The following ACTR1A variants were observed in gnomAD, a reference collection of about 807,000 sequenced individuals.
ACTR1A encodes alpha-centractin.
In ACTR1A, 10 loss-of-function variants were observed where a neutral mutation model predicts 50.7. That is an observed-to-expected ratio of 0.20 (90% CI 0.12 to 0.33). ACTR1A has a LOEUF of 0.33. Ranked by LOEUF, ACTR1A falls within the 10% of genes least tolerant of loss-of-function variation. ACTR1A has a pLI of 1.00. For synonymous variants in ACTR1A, 177 were observed against 184.2 expected (o/e 0.96, Z 0.32); for missense variants, 253 against 491.7 (o/e 0.51, Z 4.59).
At chr10:102,493,675 C>A (rs558955935) in intron 1 of ACTR1A, among the ~76,000 whole-genome samples, 22 of 152,344 alleles carry the variant, frequency 1.4e-4, no homozygotes, top group African/African-American at 5.3e-4. Flanking sequence ...GCACTTCATT[C>A]TGCTTTTTAT....
chr10:102,481,217 C>A (rs2296578), intron 9 of ACTR1A, 45 bp from the exon 10 acceptor site: 12 of 1,535,220 alleles, frequency 7.8e-6, no homozygotes, highest in Non-Finnish European at 1.1e-5. Flanking sequence ...CCAGCCCTCC[C>A]GCTCCCTTTC....
Position 102,483,000 on chromosome 10 carries a change from A to G in ACTR1A, c.750+11T>C, listed in dbSNP as rs1424212289. 6.2e-7 allele frequency: 1 copy of G among 1,609,660 alleles called. No homozygotes were observed. Among genetic ancestry groups the G allele is most frequent in the East Asian group, 2.2e-5 (1 of 44,860 alleles). ...CCTAAGGGGACCGAAGAAAGAAGGC[A>G]GGCCACCTACCTCAATGGTGCTGCC... On this transcript the variant is annotated intron_variant, in intron 7 of 10. Coordinates refer to ENST00000369905, the MANE Select transcript of ACTR1A (RefSeq NM_005736.4). The surrounding 1 kb of genome is among the most constrained non-coding windows in gnomAD (Gnocchi z 5.6).
intron 1 of ACTR1A, among the ~76,000 whole-genome samples, chr10:102,497,345 T>C (rs2062227339): frequency 6.6e-6 from 1 of 152,104 alleles, no homozygotes; most frequent in Non-Finnish European, 1.5e-5. Flanking sequence ...GAGATAACAG[T>C]AGGATGATAG....
At chr10:102,487,515 C>G (rs2062174501) in intron 4 of ACTR1A, among the ~76,000 whole-genome samples, 1 of 152,056 alleles carries the variant, frequency 6.6e-6, no homozygotes, top group Non-Finnish European at 1.5e-5. Context: ...CTATTGCACT[C>G]CAGTCTGGGT....
chr10:102,482,686 G>T lies in ACTR1A; in HGVS notation c.750+325C>A, dbSNP rs1255879397. 2 of 339,548 alleles carry T rather than the reference G, an allele frequency of 5.9e-6. No individual in the cohort carries two copies. The highest frequency in any genetic ancestry group is 7.3e-5 in the South Asian group (2 of 27,320). 21.0% of individuals were successfully genotyped at this position (339,548 alleles called of 1,614,324 possible). On this transcript the variant is annotated intron_variant, in intron 7 of 10. Coordinates refer to ENST00000369905, the MANE Select transcript of ACTR1A (RefSeq NM_005736.4). The surrounding 1 kb of genome is among the most constrained non-coding windows in gnomAD (Gnocchi z 5.6). ...TCCAGAGAGAGGGTGTAAGGCTGGG[G>T]TGTCCAGTCTTTTGGCTTCCCTGGG...
Position 102,483,054 on chromosome 10 carries a change from G to T in ACTR1A, c.707C>A (p.Thr236Lys). ...AGGCAGGTAGTACTGAGCTTTCTCT[G>T]TCTCTAGCGTCTCATCCTTTTGGGG... ...INPQKDETLE[T>K]EKAQYYLPDG... Residue 236 changes from threonine (T) to lysine (K), a missense_variant, in exon 7 of 11, where the codon ACA (threonine) becomes AAA (lysine). Thr to Lys is a moderately conservative substitution (Grantham distance 78). Around this residue, in one of 4 missense-constraint regions of ACTR1A, gnomAD observed 116 missense variants for 155.9 expected, o/e 0.74. Coordinates refer to ENST00000369905, the MANE Select transcript of ACTR1A (RefSeq NM_005736.4). 1 of 1,614,228 alleles carries T rather than the reference G, an allele frequency of 6.2e-7. No homozygotes were observed. Among genetic ancestry groups the T allele is most frequent in the Non-Finnish European group, 8.5e-7 (1 of 1,180,032 alleles).
intron 1 of ACTR1A, among the ~76,000 whole-genome samples, chr10:102,498,029 T>C (rs1356348650): frequency 6.6e-6 from 1 of 150,862 alleles, no homozygotes; most frequent in African/African-American, 2.4e-5. Context: ...AAGCTGAGGC[T>C]GCAGTGAGCT....
chr10:102,484,015 A>T, intron 6 of ACTR1A, 145 bp downstream of exon 6: 1 of 680,650 alleles, frequency 1.5e-6, no homozygotes, highest in Non-Finnish European at 2.5e-6. Flanking sequence ...AGTGTGACGT[A>T]GGGGAGACCT....
In ACTR1A at chr10:102,480,824, G is replaced by T. The variant is rs777366941; in HGVS notation, c.*39C>A. On this transcript the variant is annotated 3_prime_UTR_variant, in exon 11 of 11. Coordinates refer to ENST00000369905, the MANE Select transcript of ACTR1A (RefSeq NM_005736.4). ...ACTCAAGAAAGCGAGTTTTAAAGTGGAGTTAACTTCAGAGAGAGGTGAAGA... is the reference window on the plus strand; with the variant it reads ...ACTCAAGAAAGCGAGTTTTAAAGTGTAGTTAACTTCAGAGAGAGGTGAAGA... 1 of 1,512,600 alleles carries T rather than the reference G, an allele frequency of 6.6e-7. No homozygotes were observed. The highest frequency in any genetic ancestry group is 9.2e-7 in the Non-Finnish European group (1 of 1,088,402). 93.7% of individuals were successfully genotyped at this position (1,512,600 alleles called of 1,614,324 possible). A position where few individuals can be genotyped will look rare whatever the true frequency, so the allele number is the denominator to read the frequency against.
rs2135577782 is a variant in ACTR1A, at chr10:102,479,832, A to T, written c.*1031T>A. 2.4e-6 allele frequency: 1 copy of T among 416,788 alleles called. No homozygotes were observed. The highest frequency in any genetic ancestry group is 2.1e-5 in the South Asian group (1 of 47,246). 25.8% of individuals were successfully genotyped at this position (416,788 alleles called of 1,614,324 possible). ...AAAATTTTACCTCCTGTTTCAGAAA[A>T]TCTAACCAGCAACCAGCCTGTTGAT... On this transcript the variant is annotated 3_prime_UTR_variant, in exon 11 of 11. Coordinates refer to ENST00000369905, the MANE Select transcript of ACTR1A (RefSeq NM_005736.4). The surrounding 1 kb of genome is among the most constrained non-coding windows in gnomAD (Gnocchi z 4.0).
chr10:102,487,923 G>A lies in ACTR1A; in HGVS notation c.315+227C>T, dbSNP rs12267771. Among the ~76,000 whole-genome samples, 1,028 of 152,218 alleles carry A rather than the reference G, an allele frequency of 6.8e-3. 11 individuals are homozygous for A. The highest frequency in any genetic ancestry group is 0.024 in the African/African-American group (995 of 41,530). ...TGGGATTACAGGTGTGAGCCACCGC[G>A]CCCGGCCACGACTTGGCTTTTCTGA... On this transcript the variant is annotated intron_variant, in intron 4 of 10. Coordinates refer to ENST00000369905, the MANE Select transcript of ACTR1A (RefSeq NM_005736.4).
chr10:102,494,838 G>T (rs1182474615), intron 1 of ACTR1A, among the ~76,000 whole-genome samples: 4 of 152,078 alleles, frequency 2.6e-5, no homozygotes, highest in African/African-American at 9.7e-5. Context: ...TTGAGATGGA[G>T]TCTGGCTCTG....
Position 102,501,084 on chromosome 10 carries a change from G to GA in ACTR1A, c.48+1515dup, listed in dbSNP as rs1227611614. Among the ~76,000 whole-genome samples the GA allele has an allele frequency of 2.8e-3, 395 of 142,028 alleles. 4 individuals are homozygous for GA. Among genetic ancestry groups the GA allele is most frequent in the African/African-American group, 9.0e-3 (351 of 38,788 alleles). 93.2% of individuals were successfully genotyped at this position (142,028 alleles called of 152,430 possible). On this transcript the variant is annotated intron_variant, in intron 1 of 10. Transcript: ENST00000369905. ...AGACCCTGTCTCCAAAAAAAAAAAAGAAAAAAAAAATGAGCTGTCTCATTG... is the reference window on the plus strand; with the variant it reads ...AGACCCTGTCTCCAAAAAAAAAAAAGAAAAAAAAAAATGAGCTGTCTCATTG...
At position 102,502,681 on chromosome 10, in the gene ACTR1A, G is replaced by T. The variant is rs771559370; in HGVS notation, c.-34C>A. On this transcript the variant is annotated 5_prime_UTR_variant, in exon 1 of 11. Transcript: ENST00000369905. ...AATCTCTCCTTCTGGGGAAGGAACT[G>T]CCCAGCCGGGTCCGCCGCTAGCGCC... 1 of 1,611,126 alleles carries T rather than the reference G, an allele frequency of 6.2e-7. No homozygotes were observed.
intron 1 of ACTR1A, among the ~76,000 whole-genome samples, chr10:102,494,260 C>T (rs568174445): frequency 2.6e-5 from 4 of 152,236 alleles, no homozygotes; most frequent in South Asian, 2.1e-4. Context: ...TTAGGAAGGC[C>T]GAGGCACGCA....
In ACTR1A at chr10:102,479,635, C is replaced by G. The variant is rs1318568969; in HGVS notation, c.*1228G>C. On this transcript the variant is annotated 3_prime_UTR_variant, in exon 11 of 11. Coordinates refer to ENST00000369905, the MANE Select transcript of ACTR1A (RefSeq NM_005736.4). The surrounding 1 kb of genome is among the most constrained non-coding windows in gnomAD (Gnocchi z 4.0). ...CACTCCCTCCTTAACCAAGCAGGTCCAAGGTCAAGAATGGCACAAGATCAG... is the reference window on the plus strand; with the variant it reads ...CACTCCCTCCTTAACCAAGCAGGTCGAAGGTCAAGAATGGCACAAGATCAG... The G allele has an allele frequency of 3.1e-6, 4 of 1,289,380 alleles. No individual in the cohort carries two copies. Among genetic ancestry groups the G allele is most frequent in the Non-Finnish European group, 2.0e-6 (2 of 988,868 alleles). 79.9% of individuals were successfully genotyped at this position (1,289,380 alleles called of 1,614,324 possible).
rs752202872 is a variant in ACTR1A at position 102,481,140 on chromosome 10, C to T, written c.1020G>A (p.Thr340=). Residue 340 remains threonine, a synonymous_variant, in exon 10 of 11, where the codon ACG becomes ACA. Coordinates refer to ENST00000369905, the MANE Select transcript of ACTR1A (RefSeq NM_005736.4). ...CTGGAAGAGCTACTCACCCAATCCA[C>T]GTGGAATACAGTCTCTCCTGAGGTG... ...ISAPQERLYS[T]WIGGSILASL... The T allele has an allele frequency of 1.2e-5, 20 of 1,607,928 alleles. No homozygotes were observed. The highest frequency in any genetic ancestry group is 6.8e-5 in the Admixed American group (4 of 59,136).
intron 2 of ACTR1A, among the ~76,000 whole-genome samples, 199 bp downstream of exon 2, chr10:102,490,350 G>A (rs1390520364): frequency 6.6e-6 from 1 of 150,710 alleles, no homozygotes; most frequent in African/African-American, 2.4e-5. Context: ...AAAGCAATAA[G>A]TTACCAATGA....
At chr10:102,502,327 G>T (rs1463761169) in intron 1 of ACTR1A, among the ~76,000 whole-genome samples, 1 of 152,256 alleles carries the variant, frequency 6.6e-6, no homozygotes, top group African/African-American at 2.4e-5. Flanking sequence ...ATCTCACACA[G>T]CGGTTAAGGC....
Sources: gnomAD v4.1 joint callset for allele counts (sites outside exome capture counted in the v4.1 genomes callset) on GRCh38, gnomAD v4.1.1 for gene constraint, gnomAD v4.1.1 regional missense constraint, Gnocchi (gnomAD v3.1) non-coding constraint, MANE v1.5 for transcripts, NCBI Gene and HGNC (gene_info 2026-07-23, HGNC 2026-07-21) for gene names.